SEPTIN7: variants seen among roughly 807,000 people sequenced by gnomAD.
SEPTIN7 encodes the protein septin 7.
In SEPTIN7, 10 loss-of-function variants were observed where a neutral mutation model predicts 63.3. The ratio of observed to expected loss-of-function variants is 0.16; its 90% CI spans 0.10 to 0.27. The LOEUF is 0.27. Ranked by LOEUF, SEPTIN7 falls within the 10% of genes least tolerant of loss-of-function variation. The pLI, the probability that SEPTIN7 is intolerant of heterozygous loss-of-function variation, is 1.00. For missense variants in SEPTIN7, 310 were observed against 521.0 expected (o/e 0.59, Z 3.94); for synonymous variants, 131 against 165.3 (o/e 0.79, Z 1.59).
rs774322648 is a variant in SEPTIN7, at chr7:35,903,067, A to G, written c.1135-9A>G. On this transcript the variant is annotated splice_polypyrimidine_tract_variant and intron_variant, in intron 12 of 13. Coordinates refer to ENST00000350320, the MANE Select transcript of SEPTIN7 (RefSeq NM_001788.6). ...ATAGTTTTGTTTTATATATTGTGCT[A>G]TGATTTAGCTCCAGCGGCGCCATGA... 20 of 1,536,414 alleles carry G rather than the reference A, an allele frequency of 1.3e-5. No individual in the cohort carries two copies. In the Admixed American group the frequency reaches 1.4e-4, roughly 10 times the overall value.
chr7:35,880,352 C>T (rs867106162), intron 7 of SEPTIN7, among the ~76,000 whole-genome samples: 49 of 149,216 alleles, frequency 3.3e-4, no homozygotes, highest in Non-Finnish European at 4.6e-4. Context: ...ATGGTGCTTT[C>T]CCAATAAAAC....
chr7:35,802,197 C>T (rs541598219), intron 1 of SEPTIN7: 4 of 278,402 alleles, frequency 1.4e-5, no homozygotes, highest in South Asian at 1.1e-4. Flanking sequence ...TTCCTTTCCT[C>T]CCCCACATGT....
chr7:35,864,038 G>A (rs1266879624), intron 4 of SEPTIN7, among the ~76,000 whole-genome samples: 2 of 151,330 alleles, frequency 1.3e-5, no homozygotes, highest in Non-Finnish European at 2.9e-5. Flanking sequence ...CAGCCCATGT[G>A]GCAAGTGGCT....
chr7:35,812,609 G>T (rs1788800039), intron 1 of SEPTIN7, among the ~76,000 whole-genome samples: 1 of 152,080 alleles, frequency 6.6e-6, no homozygotes. Flanking sequence ...TTAATTGAAG[G>T]ATGTGTATTC....
chr7:35,861,058 T>A (rs908438787), intron 3 of SEPTIN7, among the ~76,000 whole-genome samples: 1 of 152,176 alleles, frequency 6.6e-6, no homozygotes, highest in Non-Finnish European at 1.5e-5. Context: ...TGTCTTCAGA[T>A]TTGCTGAGTT....
At chr7:35,817,476 A>T (rs1221140621) in intron 1 of SEPTIN7, among the ~76,000 whole-genome samples, 1 of 152,030 alleles carries the variant, frequency 6.6e-6, no homozygotes, top group Non-Finnish European at 1.5e-5. Context: ...GGGGAGTGTG[A>T]GTCTTCCAAC....
intron 11 of SEPTIN7, among the ~76,000 whole-genome samples, chr7:35,892,250 A>G (rs1361605882): frequency 6.6e-6 from 1 of 152,212 alleles, no homozygotes; most frequent in Non-Finnish European, 1.5e-5. Context: ...CTTATAATGG[A>G]ATAGAAAAAT....
chr7:35,899,808 T>G (rs148436334), intron 12 of SEPTIN7: 1,860 of 152,406 alleles, frequency 0.012, 64 homozygotes, highest in Admixed American at 0.064. Flanking sequence ...TACTTGAGCC[T>G]GGGAGATAGA....
At chr7:35,803,219 GA>G in intron 1 of SEPTIN7, 1 of 748,072 alleles carries the variant, frequency 1.3e-6, no homozygotes, top group Middle Eastern at 6.8e-4. Context: ...AGTGTTAAAA[GA>G]TTGTATTTCA....
chr7:35,876,215 A>G (rs1786465658), intron 6 of SEPTIN7, among the ~76,000 whole-genome samples: 1 of 152,152 alleles, frequency 6.6e-6, no homozygotes, highest in South Asian at 2.1e-4. Context: ...AGAAGTTGGG[A>G]TATTATAATA....
At chr7:35,813,292 TA>T (rs1428923262) in intron 1 of SEPTIN7, among the ~76,000 whole-genome samples, 4 of 152,188 alleles carry the variant, frequency 2.6e-5, no homozygotes, top group African/African-American at 9.6e-5. Flanking sequence ...TAAAAACTTT[TA>T]GGTCATCATT....
chr7:35,910,700 G>A (rs948544533), downstream of SEPTIN7, among the ~76,000 whole-genome samples: 66 of 152,122 alleles, frequency 4.3e-4, no homozygotes, highest in Non-Finnish European at 1.8e-4. Flanking sequence ...AACAAAAAAG[G>A]GGGAGAAACA....
chr7:35,831,796 G>A (rs1333722789), intron 2 of SEPTIN7: 1 of 243,798 alleles, frequency 4.1e-6, no homozygotes, highest in Admixed American at 5.6e-5. Context: ...TTAGCTACAT[G>A]ACTAGTAAAC....
At chr7:35,894,932 G>T (rs1048356490) in intron 11 of SEPTIN7, among the ~76,000 whole-genome samples, 2 of 152,158 alleles carry the variant, frequency 1.3e-5, no homozygotes, top group African/African-American at 4.8e-5. Flanking sequence ...GAAGGGATGT[G>T]GCTTGCAGGA....
intron 1 of SEPTIN7, chr7:35,803,146 TAAC>T (rs1788108292): frequency 1.0e-6 from 1 of 966,062 alleles, no homozygotes; most frequent in Non-Finnish European, 1.2e-6. Context: ...TAATGTAGCT[TAAC>T]AATTTTTGTT....
chr7:35,823,285 T>C (rs1244683148), intron 1 of SEPTIN7, among the ~76,000 whole-genome samples: 2 of 152,150 alleles, frequency 1.3e-5, no homozygotes, highest in Non-Finnish European at 2.9e-5. Flanking sequence ...CACTGCAATC[T>C]CCACCTCCCA....
chr7:35,815,129 T>A (rs189864285), intron 1 of SEPTIN7: 431 of 447,280 alleles, frequency 9.6e-4, no homozygotes, highest in African/African-American at 4.2e-3. Context: ...TTTCACTGTG[T>A]ACCCATCATT....
In SEPTIN7 at chr7:35,867,864, A is replaced by G. The variant is rs564467860; in HGVS notation, c.276+4206A>G. 5.3e-5 allele frequency among the ~76,000 whole-genome samples: 8 copies of G among 150,036 alleles called. No individual in the cohort carries two copies. The South Asian group carries it at 1.5e-3, about 28-fold the overall frequency. The stretch of plus-strand genomic sequence containing the variant: ...CCCCTTTGAAACATTTTATTGGTCC[A>G]TGAAGTGTTTTTTTTTTTTCTTTCC... On this transcript the variant is annotated intron_variant, in intron 4 of 13. Coordinates refer to ENST00000350320, the MANE Select transcript of SEPTIN7 (RefSeq NM_001788.6).
chr7:35,827,612 T>G (rs1436130199), intron 1 of SEPTIN7, among the ~76,000 whole-genome samples: 1 of 152,126 alleles, frequency 6.6e-6, no homozygotes, highest in African/African-American at 2.4e-5. Flanking sequence ...TGCCTCAGCC[T>G]CCAGAGTAGC....
Sources: gnomAD v4.1 joint callset for allele counts (sites outside exome capture counted in the v4.1 genomes callset) on GRCh38, gnomAD v4.1.1 for gene constraint, MANE v1.5 for transcripts, NCBI Gene and HGNC (gene_info 2026-07-23, HGNC 2026-07-21) for gene names.